NDEL1: variants seen among roughly 807,000 people sequenced by gnomAD.
NDEL1 encodes the protein nuclear distribution protein nudE-like 1.
Under a neutral mutation model 45.7 loss-of-function variants are expected in NDEL1, and 9 were observed. That is an observed-to-expected ratio of 0.20 (90% CI 0.12 to 0.34). The LOEUF (loss-of-function observed/expected upper bound fraction) is 0.34, where lower values mean the gene tolerates loss of function less well. NDEL1 is among the 10% of genes least tolerant of loss of function. The pLI, the probability that NDEL1 is intolerant of heterozygous loss-of-function variation, is 1.00. For synonymous variants in NDEL1, 133 were observed against 158.6 expected (o/e 0.84, Z 1.21); for missense variants, 306 against 406.2 (o/e 0.75, Z 2.12).
intron 1 of NDEL1, among the ~76,000 whole-genome samples, chr17:8,443,648 G>C (rs1909902552): frequency 1.3e-5 from 2 of 152,070 alleles, no homozygotes; most frequent in South Asian, 4.1e-4. Context: ...TGAATGCCTT[G>C]GGAGAGAAGA....
At chr17:8,470,311 G>A (rs1302952151), downstream of NDEL1, among the ~76,000 whole-genome samples, 2 of 152,096 alleles carry the variant, frequency 1.3e-5, no homozygotes, top group Admixed American at 6.6e-5. The surrounding 1 kb of genome is among the most constrained non-coding windows in gnomAD (Gnocchi z 4.2). Flanking sequence ...TCCTTGAGCC[G>A]CATCTGTGTG....
At chr17:8,450,369 TATTTC>T (rs1273638224) in intron 5 of NDEL1, among the ~76,000 whole-genome samples, 2 of 151,590 alleles carry the variant, frequency 1.3e-5, no homozygotes, top group African/African-American at 2.4e-5. Flanking sequence ...TAAAAGTAAA[TATTTC>T]ATAGTGATAA....
intron 8 of NDEL1, among the ~76,000 whole-genome samples, chr17:8,462,180 T>G (rs1484222023): frequency 6.6e-6 from 1 of 152,004 alleles, no homozygotes; most frequent in Non-Finnish European, 1.5e-5. Context: ...GGAAATGTGC[T>G]GTGCTTCCCA....
Position 8,473,375 on chromosome 17 carries a change from C to T in NDEL1, c.417+13215C>T, listed in dbSNP as rs368674643. On this transcript the variant is annotated intron_variant, in intron 3 of 3. Coordinates refer to the NDEL1 transcript ENST00000581679. ...CTAATTTTTGTATTTTTAGTAGAGACGGTGTTTCACCATGTTGGCCAGGCT... is the reference window on the plus strand; with the variant it reads ...CTAATTTTTGTATTTTTAGTAGAGATGGTGTTTCACCATGTTGGCCAGGCT... Among the ~76,000 whole-genome samples the T allele has an allele frequency of 1.4e-4, 21 of 152,066 alleles. No homozygotes were observed. The East Asian group carries it at 1.5e-3, about 11-fold the overall frequency.
chr17:8,463,305 C>A, intron 8 of NDEL1: 1 of 1,606,646 alleles, frequency 6.2e-7, no homozygotes, highest in Non-Finnish European at 8.5e-7. Context: ...AATATGTTCT[C>A]CTTTCTTTTA....
At chr17:8,463,036 C>G (rs1597559167) in intron 8 of NDEL1, 1 of 283,140 alleles carries the variant, frequency 3.5e-6, no homozygotes, top group East Asian at 7.3e-5. Flanking sequence ...GCTGCCGTGC[C>G]TGCTTCCCAG....
At chr17:8,448,216 T>C (rs1910221427) in intron 4 of NDEL1, among the ~76,000 whole-genome samples, 1 of 152,218 alleles carries the variant, frequency 6.6e-6, no homozygotes, top group Non-Finnish European at 1.5e-5. Flanking sequence ...TTACATATAT[T>C]ACAAGTTTTG....
chr17:8,454,293 C>T (rs1036353422), intron 6 of NDEL1, among the ~76,000 whole-genome samples: 1 of 150,836 alleles, frequency 6.6e-6, no homozygotes, highest in Non-Finnish European at 1.5e-5. Flanking sequence ...GAGAAATGTA[C>T]AAAGACTAAA....
chr17:8,424,032 C>T (rs188669842), intron 1 of NDEL1, among the ~76,000 whole-genome samples: 36 of 152,054 alleles, frequency 2.4e-4, no homozygotes, highest in African/African-American at 8.7e-4. Context: ...GAAAATTACA[C>T]GTTTAAGACA....
chr17:8,458,726 G>GT (rs1911008975), intron 7 of NDEL1, among the ~76,000 whole-genome samples: 1 of 151,988 alleles, frequency 6.6e-6, no homozygotes. Context: ...GTCTGTTTTT[G>GT]TTGCTGTTTC....
chr17:8,419,014 A>AT (rs980920162), intron 1 of NDEL1, among the ~76,000 whole-genome samples: 82 of 150,350 alleles, frequency 5.5e-4, no homozygotes, highest in East Asian at 1.4e-3. Flanking sequence ...ATGCCTGGCT[A>AT]TTTTTTTTTA....
At chr17:8,452,342 ATT>A in intron 6 of NDEL1, among the ~76,000 whole-genome samples, 1 of 151,836 alleles carries the variant, frequency 6.6e-6, no homozygotes, top group African/African-American at 2.4e-5. Flanking sequence ...GGTGGTGCAC[ATT>A]TTTTTTTAAT....
chr17:8,446,025 G>A (rs2151717568), intron 3 of NDEL1, 161 bp downstream of exon 3: 2 of 663,086 alleles, frequency 3.0e-6, no homozygotes, highest in Middle Eastern at 3.5e-4. Context: ...GGAACCAGGG[G>A]AAAAGGTGGT....
Position 8,425,716 on chromosome 17 carries a change from TA to T in NDEL1, c.-13+12454del, listed in dbSNP as rs527827714. On this transcript the variant is annotated intron_variant, in intron 1 of 4. Transcript: ENST00000582812. ...AGATGCTACCTTAAATGTAAAATAT[TA>T]AAAAAACCTTGACTAATTTTTTCTC... Among the ~76,000 whole-genome samples, 682 of 152,214 alleles carry T rather than the reference TA, an allele frequency of 4.5e-3. 2 individuals carry two copies. Among genetic ancestry groups the T allele is most frequent in the African/African-American group, 0.015 (642 of 41,538 alleles).
chr17:8,457,829 A>T (rs200474859), intron 7 of NDEL1, among the ~76,000 whole-genome samples: 3 of 4,060 alleles, frequency 7.4e-4, no homozygotes, highest in South Asian at 0.25. Flanking sequence ...CCTGTATTTC[A>T]GCCTTTTACT....
At chr17:8,447,192 G>T (rs1015012697) in intron 4 of NDEL1, among the ~76,000 whole-genome samples, 6 of 152,186 alleles carry the variant, frequency 3.9e-5, no homozygotes, top group African/African-American at 1.2e-4. Flanking sequence ...GCCCAGTCTG[G>T]AGTGCAGTGG....
intron 8 of NDEL1, chr17:8,463,457 C>T: frequency 8.8e-7 from 1 of 1,135,052 alleles, no homozygotes. Context: ...ATGGGGCTGA[C>T]TCAGCTTTAA....
intron 1 of NDEL1, among the ~76,000 whole-genome samples, chr17:8,424,714 C>T (rs1394607525): frequency 1.3e-5 from 2 of 152,216 alleles, no homozygotes; most frequent in African/African-American, 2.4e-5. Context: ...CCGTGTTAGC[C>T]AGGATGGTCT....
chr17:8,463,458 T>C, intron 8 of NDEL1: 1 of 1,124,614 alleles, frequency 8.9e-7, no homozygotes, highest in East Asian at 2.5e-5. Context: ...TGGGGCTGAC[T>C]CAGCTTTAAC....
Sources: allele counts gnomAD v4.1 joint callset (sites outside exome capture counted in the v4.1 genomes callset), GRCh38; gene constraint gnomAD v4.1.1; non-coding constraint Gnocchi (gnomAD v3.1); transcripts MANE v1.5; gene names NCBI Gene and HGNC (gene_info 2026-07-23, HGNC 2026-07-21).